Variants in TSGA10 observed in about 807,000 individuals in gnomAD.
TSGA10 encodes the protein testis specific 10.
Under a neutral mutation model 96.6 loss-of-function variants are expected in TSGA10, and 43 were observed. That is an observed-to-expected ratio of 0.44 (90% CI 0.35 to 0.57). The LOEUF is 0.57. TSGA10 is among the 20% of genes least tolerant of loss of function. The pLI is 0.01. For synonymous variants in TSGA10, 229 were observed against 269.9 expected, an observed-to-expected ratio of 0.85 and a Z score of 1.48; for missense variants, 703 against 834.4, an observed-to-expected ratio of 0.84 and a Z score of 1.94.
At chr2:99,045,376 AGAG>A (rs2104283170) in intron 16 of TSGA10, among the ~76,000 whole-genome samples, 1 of 152,360 alleles carries the variant, frequency 6.6e-6, no homozygotes, top group South Asian at 2.1e-4. Context: ...TCAGACTAAC[AGAG>A]GATCTCTCGG....
intron 10 of TSGA10, among the ~76,000 whole-genome samples, chr2:99,095,750 C>T (rs575093130): frequency 6.6e-6 from 1 of 152,344 alleles, no homozygotes; most frequent in East Asian, 1.9e-4. Flanking sequence ...AAGCGATTCT[C>T]CTGCCTCAGC....
chr2:99,101,991 C>A, intron 10 of TSGA10: 1 of 1,021,182 alleles, frequency 9.8e-7, no homozygotes, highest in Non-Finnish European at 1.5e-6. Flanking sequence ...TTTAACAATA[C>A]CGGATTATAC....
chr2:99,128,953 G>A (rs902516632), intron 1 of TSGA10, among the ~76,000 whole-genome samples: 1 of 152,148 alleles, frequency 6.6e-6, no homozygotes, highest in Admixed American at 6.5e-5. Flanking sequence ...TCCCTATGCT[G>A]CCCTGGCTGG....
chr2:99,064,917 A>G, intron 16 of TSGA10, 22 bp downstream of exon 16: 1 of 1,556,290 alleles, frequency 6.4e-7, no homozygotes, highest in Middle Eastern at 1.7e-4. Context: ...GATGTATTAT[A>G]AGCATATTTT....
chr2:99,125,444 C>T (rs561267042), intron 2 of TSGA10: 24 of 152,286 alleles, frequency 1.6e-4, no homozygotes, highest in African/African-American at 5.3e-4. Flanking sequence ...TTTCTTCATT[C>T]GTTTCCAGCA....
chr2:99,152,949 A>G (rs996726391), intron 1 of TSGA10, among the ~76,000 whole-genome samples: 1 of 152,232 alleles, frequency 6.6e-6, no homozygotes, highest in Non-Finnish European at 1.5e-5. Flanking sequence ...GTATACAGAA[A>G]TGGTACTTAG....
chr2:99,018,843 A>AAT (rs1278130089), intron 18 of TSGA10, among the ~76,000 whole-genome samples: 1 of 152,174 alleles, frequency 6.6e-6, no homozygotes, highest in Non-Finnish European at 1.5e-5. Flanking sequence ...GAAAAGCCTA[A>AAT]GCAATCCCAG....
At chr2:99,130,988 T>A (rs545433677) in intron 1 of TSGA10, among the ~76,000 whole-genome samples, 2 of 151,882 alleles carry the variant, frequency 1.3e-5, no homozygotes, top group Admixed American at 1.3e-4. Context: ...ATATATATAT[T>A]GGTATATATC....
At chr2:99,154,415 C>T (rs1182577312) in intron 1 of TSGA10, 1 of 152,578 alleles carries the variant, frequency 6.6e-6, no homozygotes, top group Non-Finnish European at 1.5e-5. Context: ...TCCACTCCAT[C>T]CTGTATTATC....
chr2:99,026,149 C>G (rs1452900271), intron 17 of TSGA10, among the ~76,000 whole-genome samples: 1 of 152,128 alleles, frequency 6.6e-6, no homozygotes, highest in Non-Finnish European at 1.5e-5. Flanking sequence ...TGATGTTCTG[C>G]CTAGCTGCTC....
At chr2:99,141,243 C>T (rs1405403384) in intron 1 of TSGA10, 9 of 946,520 alleles carry the variant, frequency 9.5e-6, no homozygotes, top group South Asian at 3.7e-5. Flanking sequence ...TCGTCCTGGC[C>T]CCGCCCCGGC....
chr2:99,060,649 A>G (rs2084581214), intron 16 of TSGA10, among the ~76,000 whole-genome samples: 1 of 152,186 alleles, frequency 6.6e-6, no homozygotes, highest in South Asian at 2.1e-4. Flanking sequence ...ACATTTGAGG[A>G]AAGAACACAT....
At chr2:99,096,445 T>C (rs904179377) in intron 10 of TSGA10, among the ~76,000 whole-genome samples, 47 of 152,256 alleles carry the variant, frequency 3.1e-4, no homozygotes, top group African/African-American at 9.9e-4. Flanking sequence ...TTCATCCTTT[T>C]TGTCACAATC....
intron 10 of TSGA10, among the ~76,000 whole-genome samples, chr2:99,091,546 G>A (rs2089337712): frequency 6.6e-6 from 1 of 152,108 alleles, no homozygotes; most frequent in African/African-American, 2.4e-5. Flanking sequence ...AGTATCTGCT[G>A]CTTTCAAGAG....
chr2:99,019,405 T>A (rs1192046764), intron 18 of TSGA10, among the ~76,000 whole-genome samples: 1 of 152,178 alleles, frequency 6.6e-6, no homozygotes, highest in Non-Finnish European at 1.5e-5. Context: ...GAGAAAGTGA[T>A]CCTGCAAAAC....
At chr2:99,078,266 CGTTTGAAAAAAAAAAAAAAAAAAAAA>C (rs2086987500) in intron 12 of TSGA10, among the ~76,000 whole-genome samples, 1 of 108,648 alleles carries the variant, frequency 9.2e-6, no homozygotes, top group African/African-American at 4.5e-5. Context: ...GGAAGACTCC[CGTTTGAAAAAAAAAAAAAAAAAAAAA>C]GTGTTCCTAG....
rs926707588 is a variant in TSGA10, at chr2:99,009,562, A to G, written c.2072+8638T>C. 1.1e-4 allele frequency among the ~76,000 whole-genome samples: 14 copies of G among 121,774 alleles called. No homozygotes were observed. The Admixed American group carries it at 1.3e-3, about 11-fold the overall frequency. 79.9% of individuals were successfully genotyped at this position (121,774 alleles called of 152,430 possible). A position where few individuals can be genotyped will look rare whatever the true frequency, so the allele number is the denominator to read the frequency against. Reference sequence around the variant, plus strand: ...ACTCCAGCCTGGGTGACAGAGCGAGACCCTGTCTCAAAAAAAAAAAAAAAA... The same window carrying G: ...ACTCCAGCCTGGGTGACAGAGCGAGGCCCTGTCTCAAAAAAAAAAAAAAAA... On this transcript the variant is annotated intron_variant, in intron 20 of 20. Transcript: ENST00000393483.
intron 17 of TSGA10, among the ~76,000 whole-genome samples, chr2:99,025,303 T>C (rs2080464482): frequency 6.6e-6 from 1 of 152,218 alleles, no homozygotes; most frequent in South Asian, 2.1e-4. Flanking sequence ...TTTCACCTCT[T>C]TAGGTTACAG....
intron 16 of TSGA10, among the ~76,000 whole-genome samples, chr2:99,048,616 G>C (rs2083048882): frequency 6.6e-6 from 1 of 152,034 alleles, no homozygotes; most frequent in Non-Finnish European, 1.5e-5. Context: ...AAGATCTAAA[G>C]CCATAAAAAT....
Sources: allele counts gnomAD v4.1 joint callset (sites outside exome capture counted in the v4.1 genomes callset), GRCh38; gene constraint gnomAD v4.1.1; transcripts MANE v1.5; gene names NCBI Gene and HGNC (gene_info 2026-07-23, HGNC 2026-07-21).